Variants in SEMA6D observed in about 807,000 individuals in gnomAD.
SEMA6D encodes the protein semaphorin 6D, also known as semaphorin-6D.
In SEMA6D, 35 loss-of-function variants were observed where a neutral mutation model predicts 106.6. The observed-to-expected ratio is 0.33, with a 90% CI of 0.25 to 0.44. The LOEUF (loss-of-function observed/expected upper bound fraction) is 0.44. SEMA6D is among the 20% of genes least tolerant of loss of function. The probability of loss-of-function intolerance (pLI) is 1.00; values close to 1 mark genes in which losing one functional copy is unlikely to be tolerated. For missense variants in SEMA6D, 1,185 were observed against 1,345.9 expected, an observed-to-expected ratio of 0.88 and a Z score of 1.87; for synonymous variants, 499 against 487.7, an observed-to-expected ratio of 1.02 and a Z score of -0.31.
At chr15:47,531,973 C>T (rs1307482937) in intron 3 of SEMA6D, among the ~76,000 whole-genome samples, 2 of 152,118 alleles carry the variant, frequency 1.3e-5, no homozygotes, top group Non-Finnish European at 2.9e-5. Flanking sequence ...TACTTTTGCA[C>T]CAGTCTAATA....
chr15:47,642,591 T>C (rs2077508941), intron 4 of SEMA6D, among the ~76,000 whole-genome samples: 1 of 151,946 alleles, frequency 6.6e-6, no homozygotes, highest in African/African-American at 2.4e-5. Flanking sequence ...ATAGGAGCAA[T>C]GTAGGAATCT....
intron 2 of SEMA6D, among the ~76,000 whole-genome samples, chr15:47,422,102 T>TA (rs2041177432): frequency 6.6e-6 from 1 of 151,270 alleles, no homozygotes; most frequent in East Asian, 1.9e-4. Flanking sequence ...TATTTTTTTT[T>TA]CTTTAGAGGA....
intron 4 of SEMA6D, among the ~76,000 whole-genome samples, chr15:47,618,267 G>A (rs1393862104): frequency 6.6e-6 from 1 of 152,168 alleles, no homozygotes; most frequent in Non-Finnish European, 1.5e-5. Context: ...TGTCCTAAAA[G>A]AGCAGCTCAT....
chr15:47,329,278 A>G (rs2037247954), intron 1 of SEMA6D, among the ~76,000 whole-genome samples: 1 of 152,228 alleles, frequency 6.6e-6, no homozygotes, highest in Admixed American at 6.5e-5. Flanking sequence ...CTGTGGAAGG[A>G]GTGTTTAAAC....
chr15:47,398,188 T>C (rs1256313573), intron 1 of SEMA6D, among the ~76,000 whole-genome samples: 2 of 152,240 alleles, frequency 1.3e-5, no homozygotes, highest in African/African-American at 4.8e-5. Flanking sequence ...ACTCAGGAAG[T>C]GTTCTCTTTG....
At chr15:47,309,666 A>G (rs2036368827) in intron 1 of SEMA6D, among the ~76,000 whole-genome samples, 1 of 152,124 alleles carries the variant, frequency 6.6e-6, no homozygotes, top group Non-Finnish European at 1.5e-5. Flanking sequence ...GTGTAAGGGG[A>G]ACTACTGTAC....
chr15:47,474,219 G>A (rs1015834875), intron 3 of SEMA6D, among the ~76,000 whole-genome samples: 1 of 152,186 alleles, frequency 6.6e-6, no homozygotes, highest in African/African-American at 2.4e-5. Context: ...GCTGAGGGCT[G>A]CCTGAGGCAG....
intron 3 of SEMA6D, among the ~76,000 whole-genome samples, chr15:47,590,349 G>T (rs887804069): frequency 1.3e-5 from 2 of 150,900 alleles, no homozygotes; most frequent in African/African-American, 2.4e-5. Context: ...TTAGACACAG[G>T]GCGGGGAACA....
intron 4 of SEMA6D, among the ~76,000 whole-genome samples, chr15:47,709,295 A>G (rs1407954999): frequency 6.6e-6 from 1 of 152,162 alleles, no homozygotes; most frequent in Non-Finnish European, 1.5e-5. Context: ...ACCTAGAGGT[A>G]GTAAAGGCCC....
At chr15:47,206,446 A>G (rs959681278) in intron 1 of SEMA6D, among the ~76,000 whole-genome samples, 42 of 152,162 alleles carry the variant, frequency 2.8e-4, no homozygotes, top group Non-Finnish European at 2.9e-5. Flanking sequence ...ACAGGTTCTG[A>G]GTAAGTTCAA....
At chr15:47,726,675 C>T (rs1208477077) in intron 1 of SEMA6D, among the ~76,000 whole-genome samples, 1 of 152,178 alleles carries the variant, frequency 6.6e-6, no homozygotes, top group Non-Finnish European at 1.5e-5. Flanking sequence ...TAATACCCAC[C>T]TCCTAGGGGT....
intron 4 of SEMA6D, among the ~76,000 whole-genome samples, chr15:47,633,347 T>C (rs1240226317): frequency 6.6e-6 from 1 of 152,168 alleles, no homozygotes; most frequent in Admixed American, 6.5e-5. Flanking sequence ...AGTTTTCCTT[T>C]GTCTGAGAAT....
At chr15:47,554,376 A>C (rs2045855925) in intron 3 of SEMA6D, among the ~76,000 whole-genome samples, 3 of 152,216 alleles carry the variant, frequency 2.0e-5, no homozygotes, top group Admixed American at 6.5e-5. Flanking sequence ...TCAAGTTCTA[A>C]GTGAATGAGT....
intron 1 of SEMA6D, among the ~76,000 whole-genome samples, chr15:47,722,813 A>G (rs1407797251): frequency 6.6e-6 from 1 of 152,226 alleles, no homozygotes; most frequent in Non-Finnish European, 1.5e-5. Flanking sequence ...ACTTAATGTT[A>G]GCTTACTAAA....
At chr15:47,218,708 G>A (rs779938419) in intron 1 of SEMA6D, among the ~76,000 whole-genome samples, 2 of 152,256 alleles carry the variant, frequency 1.3e-5, no homozygotes, top group Non-Finnish European at 2.9e-5. Flanking sequence ...ATAGGGAACT[G>A]GAAATGTAAA....
chr15:47,606,383 C>T (rs2076782944), intron 4 of SEMA6D: 2 of 152,132 alleles, frequency 1.3e-5, no homozygotes, highest in South Asian at 2.1e-4. Context: ...GTGTGGTGTT[C>T]CAGGGGTTTG....
At chr15:47,198,399 T>C (rs1894501248) in intron 1 of SEMA6D, among the ~76,000 whole-genome samples, 1 of 152,202 alleles carries the variant, frequency 6.6e-6, no homozygotes, top group Admixed American at 6.5e-5. Context: ...TCAAAGTATG[T>C]ATTTTTCAGG....
chr15:47,563,186 G>A (rs2046129455), intron 3 of SEMA6D, among the ~76,000 whole-genome samples: 1 of 152,168 alleles, frequency 6.6e-6, no homozygotes, highest in Non-Finnish European at 1.5e-5. Context: ...AGAAATCGAA[G>A]CTGCAATTGA....
chr15:47,565,282 A>T (rs1441096387), intron 3 of SEMA6D, among the ~76,000 whole-genome samples: 1 of 152,118 alleles, frequency 6.6e-6, no homozygotes, highest in African/African-American at 2.4e-5. Flanking sequence ...CGCTCACCCC[A>T]GCTCCTGCAC....
Sources: gnomAD v4.1 joint callset for allele counts (sites outside exome capture counted in the v4.1 genomes callset) on GRCh38, gnomAD v4.1.1 for gene constraint, MANE v1.5 for transcripts, NCBI Gene and HGNC (gene_info 2026-07-23, HGNC 2026-07-21) for gene names.